The following SLIRP variants were observed in gnomAD, a reference collection of about 807,000 sequenced individuals.
SLIRP encodes SRA stem-loop interacting RNA binding protein.
SLIRP carries 12 observed loss-of-function variants against 13.4 expected under a neutral mutation model. The ratio of observed to expected loss-of-function variants is 0.89; its 90% CI spans 0.57 to 1.45. The LOEUF (loss-of-function observed/expected upper bound fraction) is 1.45, where lower values mean the gene tolerates loss of function less well. Ranked by LOEUF, SLIRP falls within the 40% of genes most tolerant of loss-of-function variation. SLIRP has a pLI of 0.00. For synonymous variants in SLIRP, 55 were observed against 47.1 expected (o/e 1.17, Z -0.69); for missense variants, 154 against 132.2 (o/e 1.17, Z -0.81).
At chr14:77,709,910 A>G (rs1190872081) in intron 1 of SLIRP, among the ~76,000 whole-genome samples, 2 of 152,136 alleles carry the variant, frequency 1.3e-5, no homozygotes, top group East Asian at 3.9e-4. Context: ...TTTAGCCAAT[A>G]TTGAGGCCCT....
chr14:77,710,907 A>C lies in SLIRP; in HGVS notation c.156+11A>C. 1 of 1,613,862 alleles carries C rather than the reference A, an allele frequency of 6.2e-7. No homozygotes were observed. Among genetic ancestry groups the C allele is most frequent in the Non-Finnish European group, 8.5e-7 (1 of 1,179,778 alleles). ...TGCATTTTACCTTTTGTAAGTATTA[A>C]GGAAAAGTAGGTGGGAGGTGGGGAT... On this transcript the variant is annotated intron_variant, in intron 2 of 3. Coordinates refer to ENST00000557342, the MANE Select transcript of SLIRP (RefSeq NM_031210.6).
chr14:77,712,222 C>G (rs1376879750), intron 2 of SLIRP, among the ~76,000 whole-genome samples: 2 of 151,194 alleles, frequency 1.3e-5, no homozygotes, highest in African/African-American at 4.9e-5. Flanking sequence ...ATCAAAGGGT[C>G]AACTGGGGAA....
intron 2 of SLIRP, among the ~76,000 whole-genome samples, chr14:77,711,365 C>G (rs2080439256): frequency 2.0e-5 from 3 of 152,098 alleles, no homozygotes; most frequent in Non-Finnish European, 2.9e-5. Flanking sequence ...GGGTCTCGCT[C>G]TGTCCCCCTG....
intron 2 of SLIRP, among the ~76,000 whole-genome samples, chr14:77,714,934 G>A (rs761789429): frequency 6.6e-6 from 1 of 152,186 alleles, no homozygotes; most frequent in African/African-American, 2.4e-5. Context: ...TTCCGTATGC[G>A]ATGTATAGGT....
chr14:77,710,741 C>T, intron 1 of SLIRP, 97 bp from the exon 2 acceptor site: 1 of 1,584,700 alleles, frequency 6.3e-7, no homozygotes, highest in Non-Finnish European at 8.6e-7. Context: ...AAAGTAGTTC[C>T]TGTCCACAAG....
At chr14:77,708,091 A>G, upstream of SLIRP, 1 of 1,611,852 alleles carries the variant, frequency 6.2e-7, no homozygotes, top group Non-Finnish European at 8.5e-7. Flanking sequence ...CCTCGGCTCG[A>G]GAAGGTGCTT....
chr14:77,709,707 G>A (rs914009529), intron 1 of SLIRP, among the ~76,000 whole-genome samples: 1 of 152,190 alleles, frequency 6.6e-6, no homozygotes, highest in Non-Finnish European at 1.5e-5. Context: ...TCCAGAGCTG[G>A]TTTGTTTTGA....
chr14:77,711,342 T>G, intron 2 of SLIRP, among the ~76,000 whole-genome samples: 1 of 151,980 alleles, frequency 6.6e-6, no homozygotes, highest in Non-Finnish European at 1.5e-5. Flanking sequence ...TAAAAAATTC[T>G]TATCTTGCAA....
chr14:77,716,087 C>T (rs903466267), intron 3 of SLIRP: 15 of 417,446 alleles, frequency 3.6e-5, no homozygotes, highest in East Asian at 4.6e-5. Context: ...GAGGCCGAGG[C>T]GGGCGGATCA....
intron 3 of SLIRP, among the ~76,000 whole-genome samples, chr14:77,716,642 C>CAAAAAA (rs56736320): frequency 2.5e-5 from 2 of 80,962 alleles, no homozygotes; most frequent in Non-Finnish European, 4.6e-5. Context: ...AACTCCATCT[C>CAAAAAA]AAAAAAAAAA....
intron 2 of SLIRP, among the ~76,000 whole-genome samples, chr14:77,712,432 A>C (rs1313453367): frequency 3.2e-4 from 37 of 116,710 alleles, no homozygotes; most frequent in African/African-American, 5.0e-4. Context: ...CGCCACCACG[A>C]CCGGCTAATT....
chr14:77,713,880 C>T (rs2080457619), intron 2 of SLIRP, among the ~76,000 whole-genome samples: 1 of 151,890 alleles, frequency 6.6e-6, no homozygotes, highest in Non-Finnish European at 1.5e-5. Context: ...TTTTATTGGT[C>T]CATAAATAAA....
At position 77,715,949 on chromosome 14, in the gene SLIRP, AATAG is replaced by A. The variant is rs767456388; in HGVS notation, c.264+73_264+76del. 5 of 1,153,580 alleles carry A rather than the reference AATAG, an allele frequency of 4.3e-6. No individual in the cohort carries two copies. In the South Asian group the frequency reaches 6.4e-5, roughly 15 times the overall value. 71.5% of individuals were successfully genotyped at this position (1,153,580 alleles called of 1,614,324 possible). ...GTACTATTTAATTATGTATCAATTA[AATAG>A]ATCATAAATGTGGAATGATGGGGAC... On this transcript the variant is annotated intron_variant, in intron 3 of 3. Coordinates refer to ENST00000557342, the MANE Select transcript of SLIRP (RefSeq NM_031210.6).
At position 77,717,476 on chromosome 14, in the gene SLIRP, A is replaced by C; in HGVS notation, c.265-20A>C. The C allele has an allele frequency of 6.2e-7, 1 of 1,609,766 alleles. No individual in the cohort carries two copies. Among genetic ancestry groups the C allele is most frequent in the Non-Finnish European group, 8.5e-7 (1 of 1,177,620 alleles). ...TTGCAGACATTGCCTTTCCTCCCTTACAGTGCTTATTTTTTTAAGGTCCAG... is the reference window on the plus strand; with the variant it reads ...TTGCAGACATTGCCTTTCCTCCCTTCCAGTGCTTATTTTTTTAAGGTCCAG... On this transcript the variant is annotated intron_variant, in intron 3 of 3. Coordinates refer to ENST00000557342, the MANE Select transcript of SLIRP (RefSeq NM_031210.6).
intron 2 of SLIRP, chr14:77,711,985 T>A (rs2139877413): frequency 6.6e-6 from 1 of 152,294 alleles, no homozygotes; most frequent in East Asian, 1.9e-4. Context: ...GTGCCCGGCC[T>A]ACAGTCTTTA....
At chr14:77,708,073 G>A, upstream of SLIRP, 1 of 1,610,668 alleles carries the variant, frequency 6.2e-7, no homozygotes, top group Non-Finnish European at 8.5e-7. Flanking sequence ...TTTTTTCCGG[G>A]GCCGCGACCT....
intron 1 of SLIRP, among the ~76,000 whole-genome samples, chr14:77,709,769 AT>A (rs2080426345): frequency 6.6e-6 from 1 of 152,170 alleles, no homozygotes; most frequent in Admixed American, 6.5e-5. Context: ...TATGTTTAAC[AT>A]TATTTTGTTC....
At chr14:77,710,520 A>G in intron 1 of SLIRP, 2 of 1,241,924 alleles carry the variant, frequency 1.6e-6, no homozygotes, top group South Asian at 2.5e-5. Flanking sequence ...ACTGGATTGT[A>G]ATTTGTCTTT....
At chr14:77,715,929 A>T in intron 3 of SLIRP, 50 bp downstream of exon 3, 1 of 1,314,234 alleles carries the variant, frequency 7.6e-7, no homozygotes, top group South Asian at 1.2e-5. Flanking sequence ...TGTAGGTACT[A>T]TTTAATTATG....
Sources: gnomAD v4.1 joint callset for allele counts (sites outside exome capture counted in the v4.1 genomes callset) on GRCh38, gnomAD v4.1.1 for gene constraint, MANE v1.5 for transcripts, NCBI Gene and HGNC (gene_info 2026-07-23, HGNC 2026-07-21) for gene names.